POLR1F: variants seen among roughly 807,000 people sequenced by gnomAD.
POLR1F encodes the protein RNA polymerase I subunit F.
POLR1F carries 23 observed loss-of-function variants against 21.8 expected under a neutral mutation model. The observed-to-expected ratio is 1.05, with a 90% CI of 0.76 to 1.49. POLR1F has a LOEUF of 1.49. Among genes scored for constraint, POLR1F ranks in the 40% most tolerant of loss-of-function variants. The pLI, the probability that POLR1F is intolerant of heterozygous loss-of-function variation, is 0.00. For synonymous variants in POLR1F, 162 were observed against 152.8 expected (o/e 1.06, Z -0.45); for missense variants, 435 against 412.1 (o/e 1.06, Z -0.48).
At chr7:19,699,821 T>G (rs368678574) in intron 3 of POLR1F, among the ~76,000 whole-genome samples, 3 of 152,224 alleles carry the variant, frequency 2.0e-5, no homozygotes, top group East Asian at 3.9e-4. Flanking sequence ...CTCAGCAAAA[T>G]TGAACTATTA....
chr7:19,702,597 C>T (rs946312127), intron 2 of POLR1F, among the ~76,000 whole-genome samples: 2 of 152,094 alleles, frequency 1.3e-5, no homozygotes, highest in African/African-American at 4.8e-5. Flanking sequence ...AGTAACTGTT[C>T]ATCAAATAAT....
rs746367514 is a variant in POLR1F, at chr7:19,698,680, C to T, written c.653G>A (p.Gly218Asp). ...AGGTTTTTTAGCAGCTTCCTCAGTG[C>T]CATTTTCTGTAACTTCTTCAGAAAC... ...SEVSEEVTEN[G>D]TEEAAKKPKK... The change falls in exon 4 of 4, where the codon GGC becomes GAC. Residue 218 changes from glycine to aspartate, a missense_variant. By Grantham distance (94) the Gly-to-Asp change is moderately conservative. Coordinates refer to ENST00000222567, the MANE Select transcript of POLR1F (RefSeq NM_001002926.2). The T allele has an allele frequency of 1.9e-6, 3 of 1,571,236 alleles. No homozygotes were observed. Among genetic ancestry groups the T allele is most frequent in the East Asian group, 4.5e-5 (2 of 44,250 alleles).
chr7:19,696,322 C>T lies in POLR1F; in HGVS notation c.*1994G>A, dbSNP rs1783363397. The T allele has an allele frequency of 1.3e-5, 2 of 152,204 alleles. No individual in the cohort carries two copies. The highest frequency in any genetic ancestry group is 4.1e-4 in the South Asian group (2 of 4,826). The allele number at this position is 152,204 out of a possible 1,614,324, so 9.4% of individuals were successfully genotyped here. A position where few individuals can be genotyped will look rare whatever the true frequency, so the allele number is the denominator to read the frequency against. ...GGAACAAATCTAGTTTCAAGTTCAGCATGCCGTTCCCTGTTTAATTCATAA... is the reference window on the plus strand; with the variant it reads ...GGAACAAATCTAGTTTCAAGTTCAGTATGCCGTTCCCTGTTTAATTCATAA... On this transcript the variant is annotated 3_prime_UTR_variant, in exon 4 of 4. Transcript: ENST00000222567.
At chr7:19,699,842 T>C (rs928698925) in intron 3 of POLR1F, among the ~76,000 whole-genome samples, 7 of 152,162 alleles carry the variant, frequency 4.6e-5, no homozygotes, top group Non-Finnish European at 1.0e-4. Flanking sequence ...AATATTAAAA[T>C]ACAGACCAGT....
Position 19,695,466 on chromosome 7 carries a change from T to C in POLR1F, c.*2850A>G, listed in dbSNP as rs1783347235. ...TCACATCAGAGGCCAAGTGATACCA[T>C]TTGAAACTGTGCTTTTTATTTATCA... On this transcript the variant is annotated 3_prime_UTR_variant, in exon 4 of 4. Transcript: ENST00000222567. 6.6e-6 allele frequency: 1 copy of C among 151,834 alleles called. No individual in the cohort carries two copies. The highest frequency in any genetic ancestry group is 1.5e-5 in the Non-Finnish European group (1 of 67,926). 9.4% of individuals were successfully genotyped at this position (151,834 alleles called of 1,614,324 possible).
rs899078845 is a variant in POLR1F at position 19,697,419 on chromosome 7, T to C, written c.*897A>G. The C allele has an allele frequency of 1.3e-5, 2 of 151,878 alleles. No homozygotes were observed. Among genetic ancestry groups the C allele is most frequent in the South Asian group, 2.1e-4 (1 of 4,834 alleles). 9.4% of individuals were successfully genotyped at this position (151,878 alleles called of 1,614,324 possible). A position where few individuals can be genotyped will look rare whatever the true frequency, so the allele number is the denominator to read the frequency against. ...ATTACCAGCTTCAACCAGCTTGTCA[T>C]TTCATTACACTTTGTCAATTAGTCA... On this transcript the variant is annotated 3_prime_UTR_variant, in exon 4 of 4. Transcript: ENST00000222567.
chr7:19,698,476 T>C lies in POLR1F; in HGVS notation c.857A>G (p.Glu286Gly), dbSNP rs755253952. 1 of 1,612,206 alleles carries C rather than the reference T, an allele frequency of 6.2e-7. No homozygotes were observed. Among genetic ancestry groups the C allele is most frequent in the Non-Finnish European group, 8.5e-7 (1 of 1,179,560 alleles). ...KKKKKKKKHQ[E>G]VQDQDPVFQG... ...GAAAACAGGGTCCTGGTCCTGAACT[T>C]CCTGGTGCTTTTTCTTCTTCTTCTT... The change falls in exon 4 of 4, where the codon GAA becomes GGA. Residue 286 changes from glutamate to glycine, a missense_variant. Glu to Gly is a moderately conservative substitution (Grantham distance 98, BLOSUM62 -2). Coordinates refer to ENST00000222567, the MANE Select transcript of POLR1F (RefSeq NM_001002926.2).
Position 19,698,289 on chromosome 7 carries a change from T to C in POLR1F, c.*27A>G. On this transcript the variant is annotated 3_prime_UTR_variant, in exon 4 of 4. Transcript: ENST00000222567. Reference sequence around the variant, plus strand: ...ATCTATTGTATGTAGATCGATCTTTTAAAAACTGAATCGTGTTTAAAATAC... The same window carrying C: ...ATCTATTGTATGTAGATCGATCTTTCAAAAACTGAATCGTGTTTAAAATAC... The C allele has an allele frequency of 6.5e-7, 1 of 1,527,564 alleles. No individual in the cohort carries two copies. The highest frequency in any genetic ancestry group is 1.4e-5 in the South Asian group (1 of 73,310). 94.6% of individuals were successfully genotyped at this position (1,527,564 alleles called of 1,614,324 possible).
intron 1 of POLR1F, 53 bp from the exon 2 acceptor site, chr7:19,704,973 A>T: frequency 6.6e-7 from 1 of 1,526,228 alleles, no homozygotes; most frequent in Non-Finnish European, 8.8e-7. Context: ...TTATTTATTT[A>T]TGTTTTTGGA....
At chr7:19,699,962 G>T (rs567537029) in intron 3 of POLR1F, 110 bp downstream of exon 3, 2 of 836,256 alleles carry the variant, frequency 2.4e-6, no homozygotes, top group Admixed American at 2.5e-5. Context: ...CTATAAACAG[G>T]TATTTTTAGA....
intron 1 of POLR1F, among the ~76,000 whole-genome samples, chr7:19,708,429 G>A (rs1187832551): frequency 6.6e-6 from 1 of 152,162 alleles, no homozygotes; most frequent in Non-Finnish European, 1.5e-5. Flanking sequence ...ATGAAACGTT[G>A]AATGCCAAAC....
At chr7:19,703,237 A>T (rs1204023355) in intron 2 of POLR1F, among the ~76,000 whole-genome samples, 2 of 152,218 alleles carry the variant, frequency 1.3e-5, no homozygotes, top group Non-Finnish European at 2.9e-5. Flanking sequence ...GAATAATTCC[A>T]TTAATATGGA....
At chr7:19,703,338 G>C (rs1248777929) in intron 2 of POLR1F, among the ~76,000 whole-genome samples, 1 of 152,180 alleles carries the variant, frequency 6.6e-6, no homozygotes, top group African/African-American at 2.4e-5. Flanking sequence ...GAAAGGGCAT[G>C]AAGATCCTTT....
chr7:19,708,720 A>T, intron 1 of POLR1F, 43 bp downstream of exon 1: 1 of 1,577,446 alleles, frequency 6.3e-7, no homozygotes, highest in Non-Finnish European at 8.7e-7. Flanking sequence ...CACCTGCTTT[A>T]CTTCCCGTGC....
At chr7:19,707,892 T>C (rs1783553431) in intron 1 of POLR1F, among the ~76,000 whole-genome samples, 1 of 152,152 alleles carries the variant, frequency 6.6e-6, no homozygotes, top group African/African-American at 2.4e-5. Flanking sequence ...CTTAAGAAAC[T>C]GATAAAAACT....
chr7:19,697,278 A>C lies in POLR1F; in HGVS notation c.*1038T>G, dbSNP rs1783381580. On this transcript the variant is annotated 3_prime_UTR_variant, in exon 4 of 4. Transcript: ENST00000222567. ...ATCTGTTTCTCTTATGACATGCCAC[A>C]AGGGAAGGAACTACATCTATCTTGT... The C allele has an allele frequency of 6.6e-6, 1 of 152,118 alleles. No homozygotes were observed. The highest frequency in any genetic ancestry group is 6.5e-5 in the Admixed American group (1 of 15,270). The allele number at this position is 152,118 out of a possible 1,614,324, so 9.4% of individuals were successfully genotyped here. A position where few individuals can be genotyped will look rare whatever the true frequency, so the allele number is the denominator to read the frequency against.
chr7:19,707,007 C>T (rs1279336332), intron 1 of POLR1F, among the ~76,000 whole-genome samples: 1 of 152,166 alleles, frequency 6.6e-6, no homozygotes, highest in Non-Finnish European at 1.5e-5. Context: ...GCGTGATTTC[C>T]CCCTCTAGCC....
rs1427309013 is a variant in POLR1F, at chr7:19,696,266, T to G, written c.*2050A>C. ...GAAAGACAAATGGCCAGATCTGACTTTTCAAAACTACTCACATTGTGAAAA... is the reference window on the plus strand; with the variant it reads ...GAAAGACAAATGGCCAGATCTGACTGTTCAAAACTACTCACATTGTGAAAA... On this transcript the variant is annotated 3_prime_UTR_variant, in exon 4 of 4. Coordinates refer to ENST00000222567, the MANE Select transcript of POLR1F (RefSeq NM_001002926.2). The G allele has an allele frequency of 6.6e-6, 1 of 152,062 alleles. No homozygotes were observed. Among genetic ancestry groups the G allele is most frequent in the African/African-American group, 2.4e-5 (1 of 41,426 alleles). The allele number at this position is 152,062 out of a possible 1,614,324, so 9.4% of individuals were successfully genotyped here.
rs1348985642 is a variant in POLR1F at position 19,697,916 on chromosome 7, A to G, written c.*400T>C. Reference sequence around the variant, plus strand: ...AAAAAGCAAAATAAAATAGCATGTAATAAGGTGAAGCCTATTAAACACACA... The same window carrying G: ...AAAAAGCAAAATAAAATAGCATGTAGTAAGGTGAAGCCTATTAAACACACA... On this transcript the variant is annotated 3_prime_UTR_variant, in exon 4 of 4. Coordinates refer to ENST00000222567, the MANE Select transcript of POLR1F (RefSeq NM_001002926.2). The G allele has an allele frequency of 6.4e-6, 1 of 155,372 alleles. No individual in the cohort carries two copies. Among genetic ancestry groups the G allele is most frequent in the Non-Finnish European group, 1.4e-5 (1 of 70,274 alleles). 9.6% of individuals were successfully genotyped at this position (155,372 alleles called of 1,614,324 possible). A position where few individuals can be genotyped will look rare whatever the true frequency, so the allele number is the denominator to read the frequency against.
Sources: gnomAD v4.1 joint callset for allele counts (sites outside exome capture counted in the v4.1 genomes callset) on GRCh38, gnomAD v4.1.1 for gene constraint, MANE v1.5 for transcripts, NCBI Gene and HGNC (gene_info 2026-07-23, HGNC 2026-07-21) for gene names.